Variants in GPC6 observed in about 807,000 individuals in gnomAD.
GPC6 encodes glypican-6.
In GPC6, 14 loss-of-function variants were observed where a neutral mutation model predicts 55.2. The observed-to-expected ratio is 0.25, with a 90% CI of 0.17 to 0.40. The LOEUF is 0.40. GPC6 is among the 10% of genes least tolerant of loss of function. The pLI is 1.00. For missense variants in GPC6, 641 were observed against 708.5 expected (o/e 0.90, Z 1.08); for synonymous variants, 278 against 259.6 (o/e 1.07, Z -0.68).
intron 3 of GPC6, among the ~76,000 whole-genome samples, chr13:93,958,896 C>T (rs186807318): frequency 2.3e-4 from 35 of 152,136 alleles, no homozygotes; most frequent in South Asian, 4.2e-4. Flanking sequence ...TTCACTTCTT[C>T]GGTTAGCTGT....
intron 1 of GPC6, among the ~76,000 whole-genome samples, chr13:93,324,961 A>G (rs1360571189): frequency 1.3e-5 from 2 of 152,156 alleles, no homozygotes; most frequent in African/African-American, 2.4e-5. Context: ...AACTGGAGCC[A>G]GCGTGAAACC....
chr13:93,869,241 G>T (rs1566578026), intron 3 of GPC6, among the ~76,000 whole-genome samples: 1 of 151,834 alleles, frequency 6.6e-6, no homozygotes, highest in Non-Finnish European at 1.5e-5. Flanking sequence ...GGGAAAAACA[G>T]GTTCAAATCA....
intron 4 of GPC6, among the ~76,000 whole-genome samples, chr13:94,144,404 AACACACACACACAC>A (rs59772537): frequency 6.3e-5 from 9 of 143,326 alleles, no homozygotes; most frequent in South Asian, 2.4e-4. Flanking sequence ...GTGCTTTTAA[AACACACACACACAC>A]ACACACACAC....
At chr13:93,583,211 C>T (rs893885390) in intron 2 of GPC6, among the ~76,000 whole-genome samples, 1 of 152,158 alleles carries the variant, frequency 6.6e-6, no homozygotes, top group East Asian at 1.9e-4. Context: ...GTATTCATTA[C>T]CTAAGTGACA....
chr13:93,878,537 C>A (rs1450481373), intron 3 of GPC6, among the ~76,000 whole-genome samples: 1 of 152,062 alleles, frequency 6.6e-6, no homozygotes, highest in African/African-American at 2.4e-5. Context: ...CATCACCACA[C>A]CTGGCTAATT....
chr13:93,384,948 G>T (rs1213028401), intron 1 of GPC6, among the ~76,000 whole-genome samples: 1 of 152,216 alleles, frequency 6.6e-6, no homozygotes, highest in Non-Finnish European at 1.5e-5. Context: ...CCCATGTTGA[G>T]GGAAGCAGAT....
chr13:93,340,933 C>A (rs1350382431), intron 1 of GPC6, among the ~76,000 whole-genome samples: 2 of 152,164 alleles, frequency 1.3e-5, no homozygotes, highest in East Asian at 3.9e-4. Flanking sequence ...TATCTCTCAA[C>A]CCCCTTCCAA....
At position 93,927,509 on chromosome 13, in the gene GPC6, C is replaced by A. The variant is rs560718415; in HGVS notation, c.711+96964C>A. Among the ~76,000 whole-genome samples, 5 of 152,106 alleles carry A rather than the reference C, an allele frequency of 3.3e-5. No homozygotes were observed. The East Asian group carries it at 9.7e-4, about 29-fold the overall frequency. On this transcript the variant is annotated intron_variant, in intron 3 of 8. Coordinates refer to ENST00000377047, the MANE Select transcript of GPC6 (RefSeq NM_005708.5). ...GACACGTTCCTATAGTGGTTTGCTT[C>A]CTTATCCCTCTGTTTTGACTATTCA... is the stretch of plus-strand genomic sequence containing the variant.
At chr13:93,672,500 T>A (rs1881404872) in intron 2 of GPC6, among the ~76,000 whole-genome samples, 1 of 151,914 alleles carries the variant, frequency 6.6e-6, no homozygotes, top group Admixed American at 6.6e-5. Context: ...GAAAGTAAAA[T>A]AAGAGTAAAA....
At chr13:94,057,604 T>C (rs576065290) in intron 4 of GPC6, among the ~76,000 whole-genome samples, 2 of 152,288 alleles carry the variant, frequency 1.3e-5, no homozygotes, top group African/African-American at 4.8e-5. Context: ...AGAGAGGAAA[T>C]ACCTTCAAGA....
intron 4 of GPC6, among the ~76,000 whole-genome samples, chr13:94,126,409 A>G (rs1886815338): frequency 6.6e-6 from 1 of 152,140 alleles, no homozygotes; most frequent in African/African-American, 2.4e-5. Flanking sequence ...AGCAATACTA[A>G]TATACTTTTA....
At chr13:94,018,167 T>G (rs1882550113) in intron 3 of GPC6, among the ~76,000 whole-genome samples, 1 of 152,176 alleles carries the variant, frequency 6.6e-6, no homozygotes, top group African/African-American at 2.4e-5. Flanking sequence ...TCTGCATAAT[T>G]TAGATGATTG....
chr13:93,807,089 C>G (rs907455402), intron 2 of GPC6, among the ~76,000 whole-genome samples: 1 of 152,080 alleles, frequency 6.6e-6, no homozygotes, highest in Non-Finnish European at 1.5e-5. Flanking sequence ...TTTCAGCAAA[C>G]TTTTGATTTA....
intron 2 of GPC6, among the ~76,000 whole-genome samples, chr13:93,729,850 A>G (rs1401995459): frequency 6.6e-6 from 1 of 152,208 alleles, no homozygotes; most frequent in Admixed American, 6.5e-5. Flanking sequence ...AATGGGAAAA[A>G]CAGTTGCCAT....
At chr13:93,970,224 T>C (rs1880224975) in intron 3 of GPC6, among the ~76,000 whole-genome samples, 1 of 152,212 alleles carries the variant, frequency 6.6e-6, no homozygotes, top group African/African-American at 2.4e-5. Flanking sequence ...TATTTTGTAG[T>C]CTGTATACTC....
intron 1 of GPC6, among the ~76,000 whole-genome samples, chr13:93,375,111 G>A (rs187621297): frequency 1.3e-5 from 2 of 152,050 alleles, no homozygotes; most frequent in Non-Finnish European, 2.9e-5. Context: ...ATTAAAAATA[G>A]CTCCTCTCCA....
intron 4 of GPC6, among the ~76,000 whole-genome samples, chr13:94,216,153 T>G (rs1357407127): frequency 6.6e-6 from 1 of 152,218 alleles, no homozygotes; most frequent in African/African-American, 2.4e-5. Context: ...TGTATTCATT[T>G]CTCTCTAAGC....
At chr13:94,195,194 G>T (rs1237185529) in intron 4 of GPC6, among the ~76,000 whole-genome samples, 1 of 152,170 alleles carries the variant, frequency 6.6e-6, no homozygotes, top group South Asian at 2.1e-4. Flanking sequence ...AGAAGTTAAA[G>T]CCTCCCTGGT....
At chr13:93,871,140 A>G (rs1392173584) in intron 3 of GPC6, among the ~76,000 whole-genome samples, 2 of 151,918 alleles carry the variant, frequency 1.3e-5, no homozygotes, top group African/African-American at 4.8e-5. Context: ...ATAGCCGACA[A>G]CACATGCTCT....
Sources: allele counts gnomAD v4.1 joint callset (sites outside exome capture counted in the v4.1 genomes callset), GRCh38; gene constraint gnomAD v4.1.1; transcripts MANE v1.5; gene names NCBI Gene and HGNC (gene_info 2026-07-23, HGNC 2026-07-21).